The following BRINP3 variants were observed in gnomAD, a reference collection of about 807,000 sequenced individuals.
BRINP3 encodes BMP/retinoic acid-inducible neural-specific protein 3.
Under a neutral mutation model 71.0 loss-of-function variants are expected in BRINP3, and 19 were observed. That is an observed-to-expected ratio of 0.27 (90% CI 0.19 to 0.39). BRINP3 has a LOEUF of 0.39. Ranked by LOEUF, BRINP3 falls within the 10% of genes least tolerant of loss-of-function variation. BRINP3 has a pLI of 1.00. For missense variants in BRINP3, 959 were observed against 940.8 expected, an observed-to-expected ratio of 1.02 and a Z score of -0.25; for synonymous variants, 380 against 337.7, an observed-to-expected ratio of 1.13 and a Z score of -1.37.
intron 2 of BRINP3, among the ~76,000 whole-genome samples, chr1:190,332,346 A>G (rs1403899149): frequency 6.6e-6 from 1 of 152,092 alleles, no homozygotes; most frequent in Non-Finnish European, 1.5e-5. Context: ...GCTGTTGCCG[A>G]AGAACTCATA....
chr1:190,209,748 A>T (rs1181592190), intron 6 of BRINP3, among the ~76,000 whole-genome samples: 1 of 152,148 alleles, frequency 6.6e-6, no homozygotes, highest in Non-Finnish European at 1.5e-5. Flanking sequence ...ATGGTCTAAA[A>T]TCCAAAAGTT....
chr1:190,154,588 G>A (rs1656701835), intron 7 of BRINP3, among the ~76,000 whole-genome samples: 1 of 152,088 alleles, frequency 6.6e-6, no homozygotes, highest in Non-Finnish European at 1.5e-5. Flanking sequence ...CTCTCCTAGT[G>A]GGGATATATT....
At chr1:190,295,605 C>T (rs1441500146) in intron 2 of BRINP3, among the ~76,000 whole-genome samples, 5 of 152,130 alleles carry the variant, frequency 3.3e-5, no homozygotes, top group Non-Finnish European at 5.9e-5. Flanking sequence ...ACTCAGGTTT[C>T]TGTTACTTGG....
At chr1:190,328,689 C>A (rs1256687206) in intron 2 of BRINP3, among the ~76,000 whole-genome samples, 3 of 149,660 alleles carry the variant, frequency 2.0e-5, no homozygotes, top group South Asian at 2.1e-4. Flanking sequence ...GCCAGCATTA[C>A]CCTGATATAA....
chr1:190,282,408 TA>T (rs1282960903), intron 2 of BRINP3, among the ~76,000 whole-genome samples: 1 of 151,918 alleles, frequency 6.6e-6, no homozygotes, highest in African/African-American at 2.4e-5. Context: ...AAAGAATGTA[TA>T]CATTTACATT....
At chr1:190,263,484 C>T (rs1661369129) in intron 4 of BRINP3, among the ~76,000 whole-genome samples, 2 of 151,924 alleles carry the variant, frequency 1.3e-5, no homozygotes, top group South Asian at 2.1e-4. Context: ...TCCACATCAC[C>T]TTTAATTTTC....
intron 2 of BRINP3, among the ~76,000 whole-genome samples, chr1:190,359,814 T>C (rs1189843847): frequency 2.6e-5 from 4 of 152,158 alleles, no homozygotes; most frequent in Admixed American, 6.6e-5. Context: ...TAGCTGTCAG[T>C]GAGTTCTTTG....
intron 2 of BRINP3, among the ~76,000 whole-genome samples, chr1:190,314,967 G>C (rs538016046): frequency 1.3e-5 from 2 of 151,996 alleles, no homozygotes. Flanking sequence ...CTTTATCAGG[G>C]GGCTAAAATA....
At chr1:190,282,587 T>A (rs568193462) in intron 2 of BRINP3, among the ~76,000 whole-genome samples, 2 of 152,094 alleles carry the variant, frequency 1.3e-5, no homozygotes, top group Non-Finnish European at 2.9e-5. Flanking sequence ...TATAAAATAA[T>A]CAAATAAAAT....
At chr1:190,308,291 A>G (rs1374396147) in intron 2 of BRINP3, among the ~76,000 whole-genome samples, 1 of 151,976 alleles carries the variant, frequency 6.6e-6, no homozygotes, top group East Asian at 1.9e-4. Context: ...GAATTTTAGC[A>G]CTAGATAAAA....
intron 5 of BRINP3, among the ~76,000 whole-genome samples, chr1:190,233,440 C>T (rs550631981): frequency 1.1e-4 from 17 of 152,160 alleles, no homozygotes; most frequent in African/African-American, 3.9e-4. Context: ...CTCAGCCTCC[C>T]AAAGGGTTAG....
chr1:190,442,054 A>G (rs1674859372), intron 2 of BRINP3, among the ~76,000 whole-genome samples: 1 of 152,142 alleles, frequency 6.6e-6, no homozygotes. Flanking sequence ...TGGGAAAAAA[A>G]ACAAAACCCT....
At chr1:190,473,900 C>T (rs954126023) in intron 1 of BRINP3, among the ~76,000 whole-genome samples, 24 of 151,506 alleles carry the variant, frequency 1.6e-4, no homozygotes, top group South Asian at 4.2e-4. Flanking sequence ...ACCCAACCCA[C>T]CCCCACCTCA....
chr1:190,390,749 G>A (rs1671200163), intron 2 of BRINP3, among the ~76,000 whole-genome samples: 2 of 151,756 alleles, frequency 1.3e-5, no homozygotes, highest in Non-Finnish European at 2.9e-5. Flanking sequence ...TGGAAGCAGA[G>A]CATATTTCAG....
At chr1:190,298,233 T>A (rs555705588) in intron 2 of BRINP3, among the ~76,000 whole-genome samples, 2 of 152,288 alleles carry the variant, frequency 1.3e-5, no homozygotes, top group Admixed American at 1.3e-4. Flanking sequence ...ACTGTCTTTT[T>A]TTCTTGCTAG....
chr1:190,265,050 C>T lies in BRINP3; in HGVS notation c.433G>A (p.Glu145Lys). 6.2e-7 allele frequency: 1 copy of T among 1,600,060 alleles called. No individual in the cohort carries two copies. Among genetic ancestry groups the T allele is most frequent in the Non-Finnish European group, 8.5e-7 (1 of 1,175,678 alleles). The change falls in exon 4 of 8, where the codon GAG becomes AAG. Residue 145 changes from glutamate (E) to lysine (K), a missense_variant. Coordinates refer to ENST00000367462, the MANE Select transcript of BRINP3 (RefSeq NM_199051.3). ...TTGTCCACAAAAATTGTGAGTGACT[C>T]CTCTCCTGCATTAATAATATTTCAA... ...FLLSATLGGE[E>K]SLTIFVDKRK...
chr1:190,322,778 A>G (rs1225711568), intron 2 of BRINP3, among the ~76,000 whole-genome samples: 2 of 152,086 alleles, frequency 1.3e-5, no homozygotes, highest in Admixed American at 1.3e-4. Flanking sequence ...TCTAATAAAT[A>G]TAAAGTTACA....
intron 6 of BRINP3, among the ~76,000 whole-genome samples, chr1:190,168,960 A>T (rs1651789507): frequency 2.0e-5 from 3 of 152,192 alleles, no homozygotes; most frequent in Admixed American, 2.0e-4. Context: ...TACAAGAGTT[A>T]AAGATTCTCA....
chr1:190,127,780 G>C (rs75654110), intron 7 of BRINP3, among the ~76,000 whole-genome samples: 2 of 151,812 alleles, frequency 1.3e-5, no homozygotes, highest in Non-Finnish European at 2.9e-5. Context: ...CTGGCTATCT[G>C]AGTGACTACA....
Sources: gnomAD v4.1 joint callset for allele counts (sites outside exome capture counted in the v4.1 genomes callset) on GRCh38, gnomAD v4.1.1 for gene constraint, MANE v1.5 for transcripts, NCBI Gene and HGNC (gene_info 2026-07-23, HGNC 2026-07-21) for gene names.